The following MAN1C1 variants were observed in gnomAD, a reference collection of about 807,000 sequenced individuals.
MAN1C1 encodes the protein mannosyl-oligosaccharide 1,2-alpha-mannosidase IC.
MAN1C1 carries 49 observed loss-of-function variants against 71.5 expected under a neutral mutation model. That is an observed-to-expected ratio of 0.69 (90% CI 0.54 to 0.87). MAN1C1 has a LOEUF of 0.87. Among genes scored for constraint, MAN1C1 ranks in the 40% least tolerant of loss-of-function variants. MAN1C1 has a pLI of 0.00. For synonymous variants in MAN1C1, 352 were observed against 343.7 expected, an observed-to-expected ratio of 1.02 and a Z score of -0.27; for missense variants, 743 against 835.0, an observed-to-expected ratio of 0.89 and a Z score of 1.36.
In MAN1C1 at chr1:25,631,535, G is replaced by A. The variant is rs2045381176; in HGVS notation, c.540+13198G>A. 6.6e-6 allele frequency among the ~76,000 whole-genome samples: 1 copy of A among 152,038 alleles called. No homozygotes were observed. The highest frequency in any genetic ancestry group is 1.9e-4 in the East Asian group (1 of 5,196). On this transcript the variant is annotated intron_variant, in intron 1 of 11. Coordinates refer to ENST00000374332, the MANE Select transcript of MAN1C1 (RefSeq NM_020379.4). This position sits in a 1 kb window ranked among gnomAD's most constrained non-coding sequence, Gnocchi z 4.2. Reference sequence around the variant, plus strand: ...TTTTTGTTTTTAATTCTGTTTATGTGATATATGACATTTATTGACTTGTAT... The same window carrying A: ...TTTTTGTTTTTAATTCTGTTTATGTAATATATGACATTTATTGACTTGTAT...
In MAN1C1 at chr1:25,617,568, C is replaced by G. The variant is rs1203780350; in HGVS notation, c.-230C>G. ...CCGGGCCCCAAGCCGTGCCGCTCCG[C>G]TCGCCCGGGCCCCGCCGAGGCCGCT... On this transcript the variant is annotated 5_prime_UTR_variant, in exon 1 of 12. Transcript: ENST00000374332. The surrounding 1 kb of genome is among the most constrained non-coding windows in gnomAD (Gnocchi z 5.1). 5.5e-6 allele frequency: 2 copies of G among 361,044 alleles called. No homozygotes were observed. The highest frequency in any genetic ancestry group is 9.9e-6 in the Non-Finnish European group (2 of 201,592). The allele number at this position is 361,044 out of a possible 1,614,324, so 22.4% of individuals were successfully genotyped here.
chr1:25,733,310 T>A (rs1334778162), intron 2 of MAN1C1, among the ~76,000 whole-genome samples: 2 of 152,126 alleles, frequency 1.3e-5, no homozygotes, highest in African/African-American at 2.4e-5. Context: ...GCCAGTCAGA[T>A]CCAGTTCCTA....
intron 1 of MAN1C1, among the ~76,000 whole-genome samples, chr1:25,619,436 C>T (rs544138624): frequency 6.6e-6 from 1 of 152,314 alleles, no homozygotes; most frequent in South Asian, 2.1e-4. Context: ...CAGGACCTGC[C>T]CTGTCAAGAC....
intron 2 of MAN1C1, among the ~76,000 whole-genome samples, chr1:25,712,248 G>C (rs115034821): frequency 1.9e-4 from 29 of 152,318 alleles, no homozygotes; most frequent in Non-Finnish European, 3.1e-4. Context: ...GGCTCCCCAC[G>C]TCTAACCTCC....
chr1:25,672,551 C>T (rs926032957), intron 1 of MAN1C1, among the ~76,000 whole-genome samples: 1 of 152,296 alleles, frequency 6.6e-6, no homozygotes, highest in East Asian at 1.9e-4. Context: ...GAGTCTTTTT[C>T]ACATCTCATC....
At position 25,690,052 on chromosome 1, in the gene MAN1C1, G is replaced by A. The variant is rs12071512; in HGVS notation, c.637+3516G>A. Among the ~76,000 whole-genome samples, 1,112 of 152,242 alleles carry A rather than the reference G, an allele frequency of 7.3e-3. 11 individuals carry two copies. The highest frequency in any genetic ancestry group is 0.025 in the African/African-American group (1,030 of 41,552). Reference sequence around the variant, plus strand: ...CACCAAGTGAATCCCCCTCCCAGTCGCCCACTTGCCCTTCCTTGAATCTAT... The same window carrying A: ...CACCAAGTGAATCCCCCTCCCAGTCACCCACTTGCCCTTCCTTGAATCTAT... On this transcript the variant is annotated intron_variant, in intron 2 of 11. Coordinates refer to ENST00000374332, the MANE Select transcript of MAN1C1 (RefSeq NM_020379.4).
intron 1 of MAN1C1, among the ~76,000 whole-genome samples, chr1:25,675,902 A>C (rs1005641469): frequency 2.0e-5 from 3 of 152,224 alleles, no homozygotes; most frequent in Non-Finnish European, 4.4e-5. Context: ...CACTCACTCA[A>C]GGCCACACAG....
intron 2 of MAN1C1, among the ~76,000 whole-genome samples, chr1:25,741,408 G>A (rs1315303023): frequency 1.3e-5 from 2 of 152,196 alleles, no homozygotes; most frequent in African/African-American, 4.8e-5. Context: ...AGGAGACTGG[G>A]AAGAAGCCAT....
intron 1 of MAN1C1, among the ~76,000 whole-genome samples, chr1:25,651,561 G>A (rs750633707): frequency 7.2e-5 from 11 of 152,180 alleles, no homozygotes; most frequent in South Asian, 2.1e-4. Flanking sequence ...TGGAGGGGCC[G>A]TGACCCAAGA....
intron 2 of MAN1C1, among the ~76,000 whole-genome samples, chr1:25,710,477 A>C (rs191461190): frequency 1.3e-5 from 2 of 152,374 alleles, no homozygotes; most frequent in Non-Finnish European, 2.9e-5. Flanking sequence ...AATAGTTGCT[A>C]ACATTTATTG....
At chr1:25,620,632 C>T (rs766662152) in intron 1 of MAN1C1, among the ~76,000 whole-genome samples, 56 of 152,270 alleles carry the variant, frequency 3.7e-4, no homozygotes, top group Middle Eastern at 6.8e-3. Flanking sequence ...TTGCTTTCCT[C>T]CCTGGTTTGT....
chr1:25,693,905 A>G (rs929782043), intron 2 of MAN1C1, among the ~76,000 whole-genome samples: 20 of 152,212 alleles, frequency 1.3e-4, no homozygotes, highest in African/African-American at 4.8e-4. Flanking sequence ...GTAAGGATTA[A>G]AGAAAGTTGA....
At chr1:25,708,050 C>G (rs2046548854) in intron 2 of MAN1C1, among the ~76,000 whole-genome samples, 1 of 152,120 alleles carries the variant, frequency 6.6e-6, no homozygotes, top group African/African-American at 2.4e-5. Flanking sequence ...GGACCTTACA[C>G]AAGAAAGAAT....
intron 6 of MAN1C1, 144 bp from the exon 7 acceptor site, chr1:25,763,730 A>T: frequency 1.5e-6 from 1 of 676,380 alleles, no homozygotes; most frequent in Non-Finnish European, 2.6e-6. Flanking sequence ...TGGAGCCTGC[A>T]GTCCGTTGGG....
intron 2 of MAN1C1, among the ~76,000 whole-genome samples, chr1:25,729,829 T>A (rs1270950527): frequency 6.6e-6 from 1 of 151,910 alleles, no homozygotes; most frequent in East Asian, 1.9e-4. Flanking sequence ...ATTTTCTAGA[T>A]GAGGAACCCA....
intron 2 of MAN1C1, among the ~76,000 whole-genome samples, chr1:25,720,960 G>A (rs1196079259): frequency 6.6e-6 from 1 of 152,144 alleles, no homozygotes; most frequent in Non-Finnish European, 1.5e-5. Context: ...TAGCATCCTT[G>A]TCAAAACTTA....
chr1:25,626,507 C>T (rs192292157), intron 1 of MAN1C1, among the ~76,000 whole-genome samples: 3 of 151,970 alleles, frequency 2.0e-5, no homozygotes, highest in East Asian at 3.9e-4. Flanking sequence ...TACAGGTGTC[C>T]GCCACCACGC....
intron 2 of MAN1C1, among the ~76,000 whole-genome samples, chr1:25,692,086 A>G (rs976151559): frequency 6.6e-6 from 1 of 152,198 alleles, no homozygotes; most frequent in East Asian, 1.9e-4. Context: ...GAGAGGGGAA[A>G]GGGCTTGCCT....
Position 25,708,608 on chromosome 1 carries a change from G to C in MAN1C1, c.637+22072G>C, listed in dbSNP as rs2046559446. ...CCTATTCAAGATGGAGTTGCAGCCA[G>C]GCACAGTGGCTCATGCCTGTAATCC... On this transcript the variant is annotated intron_variant, in intron 2 of 11. Transcript: ENST00000374332. 2.6e-5 allele frequency among the ~76,000 whole-genome samples: 4 copies of C among 152,222 alleles called. No individual in the cohort carries two copies. The South Asian group carries it at 8.3e-4, about 31-fold the overall frequency.
Sources: allele counts gnomAD v4.1 joint callset (sites outside exome capture counted in the v4.1 genomes callset), GRCh38; gene constraint gnomAD v4.1.1; non-coding constraint Gnocchi (gnomAD v3.1); transcripts MANE v1.5; gene names NCBI Gene and HGNC (gene_info 2026-07-23, HGNC 2026-07-21).